Variants in PLXNA4 observed in about 807,000 individuals in gnomAD.
PLXNA4 encodes plexin A4, also known as plexin-A4.
Under a neutral mutation model 191.8 loss-of-function variants are expected in PLXNA4, and 44 were observed. The observed-to-expected ratio is 0.23, with a 90% CI of 0.18 to 0.29. The LOEUF (loss-of-function observed/expected upper bound fraction) is 0.29. PLXNA4 is among the 10% of genes least tolerant of loss of function. The pLI is 1.00. For missense variants in PLXNA4, 1,800 were observed against 2,488.8 expected (o/e 0.72, Z 5.89); for synonymous variants, 1,082 against 1,009.5 (o/e 1.07, Z -1.36).
intron 3 of PLXNA4, among the ~76,000 whole-genome samples, chr7:132,393,934 T>G (rs560479300): frequency 2.0e-5 from 3 of 151,622 alleles, no homozygotes; most frequent in East Asian, 1.9e-4. Flanking sequence ...TATTAGAGAT[T>G]CCAGGCACAG....
intron 3 of PLXNA4, chr7:132,383,615 G>A (rs1348313956): frequency 1.0e-6 from 1 of 983,976 alleles, no homozygotes; most frequent in East Asian, 1.1e-4. Flanking sequence ...TATAAACTAA[G>A]TTTTCAATGA....
intron 1 of PLXNA4, among the ~76,000 whole-genome samples, chr7:132,524,456 T>C (rs1299112613): frequency 6.6e-6 from 1 of 152,208 alleles, no homozygotes; most frequent in Non-Finnish European, 1.5e-5. Context: ...CAAGGAGCCC[T>C]CTCTTCTCTC....
intron 2 of PLXNA4, among the ~76,000 whole-genome samples, chr7:132,630,006 C>T (rs545896542): frequency 1.4e-4 from 21 of 152,112 alleles, no homozygotes; most frequent in Non-Finnish European, 1.9e-4. Context: ...CCCACCACCA[C>T]GCCTGGCTAA....
At chr7:132,292,911 G>C (rs1232527177) in intron 4 of PLXNA4, among the ~76,000 whole-genome samples, 1 of 152,196 alleles carries the variant, frequency 6.6e-6, no homozygotes, top group Non-Finnish European at 1.5e-5. Flanking sequence ...GGAGGGACCA[G>C]CCACAGGAAA....
intron 1 of PLXNA4, among the ~76,000 whole-genome samples, chr7:132,564,370 CCTT>C (rs1194223774): frequency 6.7e-5 from 10 of 148,902 alleles, no homozygotes; most frequent in African/African-American, 2.3e-4. Flanking sequence ...TCCTCCTCCT[CCTT>C]CTCCTCCTCC....
intron 3 of PLXNA4, among the ~76,000 whole-genome samples, chr7:132,323,844 C>G (rs951889966): frequency 2.6e-5 from 4 of 152,110 alleles, no homozygotes; most frequent in Non-Finnish European, 5.9e-5. Flanking sequence ...ATACACCACC[C>G]TCTGTGCCTC....
intron 9 of PLXNA4, among the ~76,000 whole-genome samples, chr7:132,216,948 T>C (rs1797981100): frequency 6.6e-6 from 1 of 152,212 alleles, no homozygotes; most frequent in South Asian, 2.1e-4. Flanking sequence ...ATAAGATTCT[T>C]TGGAGACACA....
chr7:132,369,828 G>A (rs1804353306), intron 3 of PLXNA4, among the ~76,000 whole-genome samples: 1 of 151,812 alleles, frequency 6.6e-6, no homozygotes, highest in Non-Finnish European at 1.5e-5. Flanking sequence ...CAGCACTTTG[G>A]GAGGCTGAGG....
At position 132,508,174 on chromosome 7, in the gene PLXNA4, C is replaced by A; in HGVS notation, c.520G>T (p.Val174Phe). 1 of 1,614,158 alleles carries A rather than the reference C, an allele frequency of 6.2e-7. No individual in the cohort carries two copies. The highest frequency in any genetic ancestry group is 8.5e-7 in the Non-Finnish European group (1 of 1,180,024). The change falls in exon 2 of 32, where the codon GTC (valine) becomes TTC (phenylalanine). Residue 174 changes from valine (V) to phenylalanine (F), a missense_variant. By Grantham distance (50) the Val-to-Phe change is conservative. Around this residue, in one of 6 missense-constraint regions of PLXNA4, gnomAD observed 1,397 missense variants for 1,880.4 expected, o/e 0.74. Coordinates refer to ENST00000321063, the MANE Select transcript of PLXNA4 (RefSeq NM_020911.2). This position sits in a 1 kb window ranked among gnomAD's most constrained non-coding sequence, Gnocchi z 4.4. Reference sequence around the variant, plus strand: ...TTGTCATCCAGGTTGCTGTAGGAGACGATCACTCCAAAGACTGAGCCGCTC... The same window carrying A: ...TTGTCATCCAGGTTGCTGTAGGAGAAGATCACTCCAAAGACTGAGCCGCTC... ...NESGSVFGVIVSYSNLDDKLF... is the reference protein window; with the variant it reads ...NESGSVFGVIFSYSNLDDKLF...
At chr7:132,322,261 C>A (rs949258016) in intron 3 of PLXNA4, among the ~76,000 whole-genome samples, 3 of 149,780 alleles carry the variant, frequency 2.0e-5, no homozygotes, top group African/African-American at 7.4e-5. Flanking sequence ...CGGCTCACTG[C>A]AGTCTCTGCT....
chr7:132,591,093 C>T (rs1180855639), intron 2 of PLXNA4, among the ~76,000 whole-genome samples: 1 of 152,118 alleles, frequency 6.6e-6, no homozygotes, highest in African/African-American at 2.4e-5. Context: ...AAAAGAGCAT[C>T]TGGAAAGGAG....
intron 3 of PLXNA4, among the ~76,000 whole-genome samples, chr7:132,348,721 G>A (rs1349536916): frequency 2.6e-5 from 4 of 152,166 alleles, no homozygotes; most frequent in Admixed American, 2.0e-4. Context: ...CCAGTCCCTG[G>A]GGCCAGGGGA....
At chr7:132,274,132 G>A (rs547824877) in intron 4 of PLXNA4, among the ~76,000 whole-genome samples, 1 of 152,158 alleles carries the variant, frequency 6.6e-6, no homozygotes, top group African/African-American at 2.4e-5. Context: ...CAAAAATATG[G>A]TGACAGAATA....
chr7:132,311,156 TTGTGTGTGTGTG>T (rs749947062), intron 3 of PLXNA4, among the ~76,000 whole-genome samples: 20 of 132,128 alleles, frequency 1.5e-4, no homozygotes, highest in African/African-American at 5.5e-4. Flanking sequence ...TCTAGGATAA[TTGTGTGTGTGTG>T]TGTGTGTGTG....
chr7:132,202,943 A>G (rs1231383415), intron 11 of PLXNA4, 107 bp from the exon 12 acceptor site: 4 of 1,230,574 alleles, frequency 3.3e-6, no homozygotes, highest in Non-Finnish European at 4.4e-6. Flanking sequence ...GTGATGGGGC[A>G]CAAAGGCAGT....
At chr7:132,474,794 GT>G (rs1563120541) in intron 3 of PLXNA4, among the ~76,000 whole-genome samples, 1 of 152,106 alleles carries the variant, frequency 6.6e-6, no homozygotes, top group Non-Finnish European at 1.5e-5. Context: ...GTTTGCATTT[GT>G]GAGTCTGAAG....
intron 7 of PLXNA4, among the ~76,000 whole-genome samples, chr7:132,226,899 G>A (rs1798342966): frequency 6.6e-6 from 1 of 152,198 alleles, no homozygotes; most frequent in Admixed American, 6.5e-5. Context: ...AAGCACAAAT[G>A]GGAGGGACAA....
At chr7:132,322,443 A>G (rs1802209050) in intron 3 of PLXNA4, among the ~76,000 whole-genome samples, 1 of 152,140 alleles carries the variant, frequency 6.6e-6, no homozygotes, top group Non-Finnish European at 1.5e-5. Context: ...TCGGCCTCCC[A>G]AAGTGCTGGG....
chr7:132,449,727 T>C (rs1264555322), intron 3 of PLXNA4, among the ~76,000 whole-genome samples: 1 of 152,222 alleles, frequency 6.6e-6, no homozygotes, highest in Admixed American at 6.5e-5. Flanking sequence ...CAGTGCCCTG[T>C]ACAAAAGCCC....
Sources: allele counts gnomAD v4.1 joint callset (sites outside exome capture counted in the v4.1 genomes callset), GRCh38; gene constraint gnomAD v4.1.1; regional missense constraint gnomAD v4.1.1; non-coding constraint Gnocchi (gnomAD v3.1); transcripts MANE v1.5; gene names NCBI Gene and HGNC (gene_info 2026-07-23, HGNC 2026-07-21).